PABPC1L: variants seen among roughly 807,000 people sequenced by gnomAD.
PABPC1L encodes the protein polyadenylate-binding protein 1-like.
A neutral mutation model predicts 66.6 loss-of-function variants in PABPC1L; 31 were observed. The observed-to-expected ratio is 0.47, with a 90% confidence interval of 0.35 to 0.63. PABPC1L has a LOEUF of 0.63. PABPC1L is among the 20% of genes least tolerant of loss of function. PABPC1L has a pLI of 0.00. For missense variants in PABPC1L, 722 were observed against 848.8 expected (o/e 0.85, Z 1.86); for synonymous variants, 348 against 335.1 (o/e 1.04, Z -0.42).
rs773086026 is a variant in PABPC1L, at chr20:44,933,195, G to T, written c.1459+10G>T. 1 of 1,593,062 alleles carries T rather than the reference G, an allele frequency of 6.3e-7. No individual in the cohort carries two copies. The highest frequency in any genetic ancestry group is 1.8e-5 in the Admixed American group (1 of 55,880). On this transcript the variant is annotated intron_variant, in intron 10 of 14. Transcript: ENST00000217073. The stretch of plus-strand genomic sequence containing the variant: ...CATACCCAGAGAGTAGGTGAGTGTG[G>T]GTAGGGCCAAGGGGAATGGGGGTGG...
At chr20:44,918,253 C>G (rs1234629160) in intron 3 of PABPC1L, among the ~76,000 whole-genome samples, 1 of 152,162 alleles carries the variant, frequency 6.6e-6, no homozygotes, top group Non-Finnish European at 1.5e-5. Context: ...TCGCTTGAAC[C>G]CAGGAGGTGG....
chr20:44,931,083 C>CCTT (rs1568650151), intron 8 of PABPC1L, among the ~76,000 whole-genome samples: 1 of 63,228 alleles, frequency 1.6e-5, no homozygotes, highest in African/African-American at 5.4e-5. Context: ...CTCCCTCCCT[C>CCTT]CCTCCCTTCC....
chr20:44,921,201 G>A (rs1393597427), intron 5 of PABPC1L, among the ~76,000 whole-genome samples: 2 of 149,064 alleles, frequency 1.3e-5, no homozygotes, highest in African/African-American at 2.5e-5. Context: ...CCAGGCTGGA[G>A]TGCAATGGCG....
intron 2 of PABPC1L, among the ~76,000 whole-genome samples, chr20:44,913,407 C>T (rs1601106065): frequency 2.0e-5 from 3 of 151,922 alleles, no homozygotes; most frequent in African/African-American, 7.3e-5. Flanking sequence ...CCATCACTTC[C>T]ACTACGTTTT....
chr20:44,915,518 C>T (rs534273407), intron 2 of PABPC1L, among the ~76,000 whole-genome samples: 229 of 152,168 alleles, frequency 1.5e-3, no homozygotes, highest in African/African-American at 5.3e-3. Flanking sequence ...AAAATTGAGG[C>T]GGGGTGCAGT....
intron 4 of PABPC1L, 25 bp from the exon 5 acceptor site, chr20:44,919,158 T>C (rs1364656158): frequency 1.9e-6 from 3 of 1,614,156 alleles, no homozygotes; most frequent in Non-Finnish European, 2.5e-6. Flanking sequence ...CAGACTCCCC[T>C]TTGAGCCAGG....
chr20:44,920,858 G>T (rs1195502460), intron 5 of PABPC1L, among the ~76,000 whole-genome samples: 3 of 151,950 alleles, frequency 2.0e-5, no homozygotes, highest in Non-Finnish European at 2.9e-5. Context: ...TGTCGTCCAG[G>T]CTGTAGTGCA....
intron 6 of PABPC1L, among the ~76,000 whole-genome samples, chr20:44,921,976 C>T (rs1419511565): frequency 6.6e-6 from 1 of 152,104 alleles, no homozygotes; most frequent in East Asian, 1.9e-4. Context: ...TAGAATAATC[C>T]TTCACGTGGG....
At chr20:44,921,968 G>A (rs1045033927) in intron 6 of PABPC1L, among the ~76,000 whole-genome samples, 4 of 152,170 alleles carry the variant, frequency 2.6e-5, no homozygotes, top group Non-Finnish European at 5.9e-5. Context: ...CTTTTGGTTA[G>A]AATAATCCTT....
At chr20:44,920,163 C>CA (rs761307185) in intron 5 of PABPC1L, among the ~76,000 whole-genome samples, 25 of 152,184 alleles carry the variant, frequency 1.6e-4, no homozygotes, top group Non-Finnish European at 3.2e-4. Flanking sequence ...ATCATTAACA[C>CA]ACACAGTCCC....
In PABPC1L at chr20:44,930,640, C is replaced by T. The variant is rs553336356; in HGVS notation, c.1153C>T (p.Arg385Cys). Residue 385 changes from arginine (R) to cysteine (C), a missense_variant, in exon 8 of 15, where the codon CGC (arginine) becomes TGC (cysteine). Coordinates refer to ENST00000217073, the MANE Select transcript of PABPC1L (RefSeq NM_001372179.1). ...KAILTNQYMQRLSTMRTLSNP... is the reference protein window; with the variant it reads ...KAILTNQYMQCLSTMRTLSNP... Reference sequence around the variant, plus strand: ...CATCTTGACCAACCAGTACATGCAGCGCCTCTCCACCATGCGGACCCTGAG... The same window carrying T: ...CATCTTGACCAACCAGTACATGCAGTGCCTCTCCACCATGCGGACCCTGAG... The T allele has an allele frequency of 2.4e-5, 39 of 1,614,238 alleles. No homozygotes were observed. In the South Asian group the frequency reaches 3.5e-4, roughly 15 times the overall value.
intron 6 of PABPC1L, among the ~76,000 whole-genome samples, chr20:44,923,488 G>T (rs1163655791): frequency 6.6e-6 from 1 of 152,066 alleles, no homozygotes; most frequent in African/African-American, 2.4e-5. Flanking sequence ...AGTTAGCTGG[G>T]TCTGGTTGCA....
chr20:44,923,315 G>C (rs1219841915), intron 6 of PABPC1L, among the ~76,000 whole-genome samples: 2 of 152,092 alleles, frequency 1.3e-5, no homozygotes, highest in African/African-American at 2.4e-5. Context: ...ACGCAGGGTT[G>C]TTGTGAGGAT....
At chr20:44,914,793 C>T (rs370038635) in intron 2 of PABPC1L, among the ~76,000 whole-genome samples, 1 of 152,152 alleles carries the variant, frequency 6.6e-6, no homozygotes, top group East Asian at 1.9e-4. Flanking sequence ...TTTCTGCATA[C>T]ATGTATACTC....
chr20:44,919,150 G>C, intron 4 of PABPC1L, 33 bp from the exon 5 acceptor site: 1 of 1,614,124 alleles, frequency 6.2e-7, no homozygotes, highest in Non-Finnish European at 8.5e-7. Flanking sequence ...GGACTTCCCA[G>C]ACTCCCCTTT....
At chr20:44,933,433 G>C (rs2066877249) in intron 10 of PABPC1L, among the ~76,000 whole-genome samples, 1 of 151,938 alleles carries the variant, frequency 6.6e-6, no homozygotes, top group Non-Finnish European at 1.5e-5. Flanking sequence ...TTTTATTGTA[G>C]AGAATTTAAA....
intron 7 of PABPC1L, 53 bp from the exon 8 acceptor site, chr20:44,930,407 C>G: frequency 1.3e-6 from 2 of 1,575,056 alleles, no homozygotes; most frequent in Admixed American, 3.5e-5. Context: ...GCAGCGCAGC[C>G]CCAGGAGCCT....
intron 13 of PABPC1L, 83 bp from the exon 14 acceptor site, chr20:44,938,591 T>C (rs1375982177): frequency 1.4e-6 from 2 of 1,477,266 alleles, no homozygotes; most frequent in Non-Finnish European, 1.8e-6. Flanking sequence ...GTATCCAGGA[T>C]GGTGAGCGAG....
At chr20:44,912,360 A>G (rs560136816) in intron 1 of PABPC1L, among the ~76,000 whole-genome samples, 32 of 152,268 alleles carry the variant, frequency 2.1e-4, no homozygotes, top group African/African-American at 6.7e-4. Flanking sequence ...TCTTATTCTC[A>G]GTTTTCCCAT....
Sources: allele counts gnomAD v4.1 joint callset (sites outside exome capture counted in the v4.1 genomes callset), GRCh38; gene constraint gnomAD v4.1.1; transcripts MANE v1.5; gene names NCBI Gene and HGNC (gene_info 2026-07-23, HGNC 2026-07-21).